ELP3: variants seen among roughly 807,000 people sequenced by gnomAD.
The protein encoded by ELP3 is elongator complex protein 3.
A neutral mutation model predicts 74.9 loss-of-function variants in ELP3; 56 were observed. The observed-to-expected ratio is 0.75, with a 90% CI of 0.60 to 0.93. The LOEUF is 0.93. ELP3 is among the 40% of genes least tolerant of loss of function. The probability of loss-of-function intolerance (pLI) is 0.00; values close to 1 mark genes in which losing one functional copy is unlikely to be tolerated. For missense variants in ELP3, 573 were observed against 686.5 expected (o/e 0.83, Z 1.85); for synonymous variants, 222 against 239.8 (o/e 0.93, Z 0.68).
chr8:28,137,290 G>A (rs1813025942), intron 9 of ELP3, among the ~76,000 whole-genome samples: 1 of 152,144 alleles, frequency 6.6e-6, no homozygotes, highest in African/African-American at 2.4e-5. Context: ...TTTTTTAAGT[G>A]GGACAGCTAG....
upstream of ELP3, among the ~76,000 whole-genome samples, chr8:28,090,645 C>G (rs906518887): frequency 1.1e-4 from 17 of 152,192 alleles, no homozygotes; most frequent in African/African-American, 3.9e-4. Context: ...TCTCCCCTCA[C>G]GCATATCCCA....
chr8:28,118,959 G>A (rs1563256776), intron 7 of ELP3: 2 of 152,124 alleles, frequency 1.3e-5, no homozygotes, highest in South Asian at 4.2e-4. Context: ...GAAGTGCTAG[G>A]TAATGCTAGG....
intron 10 of ELP3, among the ~76,000 whole-genome samples, chr8:28,148,723 T>G (rs1563273605): frequency 6.6e-6 from 1 of 152,240 alleles, no homozygotes; most frequent in Non-Finnish European, 1.5e-5. Context: ...ATTGTTTTGA[T>G]AAATTATGAT....
At chr8:28,112,965 T>C (rs1441314255) in intron 6 of ELP3, 54 bp from the exon 7 acceptor site, 6 of 1,518,674 alleles carry the variant, frequency 4.0e-6, no homozygotes, top group Non-Finnish European at 5.4e-6. Flanking sequence ...AATGCCTTCT[T>C]AGAGTAGTTC....
At chr8:28,100,677 A>G (rs1391415784) in intron 3 of ELP3, among the ~76,000 whole-genome samples, 1 of 152,260 alleles carries the variant, frequency 6.6e-6, no homozygotes, top group Non-Finnish European at 1.5e-5. Flanking sequence ...TGAAAAAGGT[A>G]GTAATATGAA....
At chr8:28,105,119 C>T (rs1458775321) in intron 3 of ELP3, among the ~76,000 whole-genome samples, 2 of 152,034 alleles carry the variant, frequency 1.3e-5, no homozygotes, top group East Asian at 1.9e-4. Context: ...TGGTGGCTCA[C>T]GCCTGTAATC....
At chr8:28,155,871 AT>A in intron 10 of ELP3, 70 bp from the exon 11 acceptor site, 9 of 1,251,972 alleles carry the variant, frequency 7.2e-6, no homozygotes, top group Non-Finnish European at 1.0e-5. Context: ...AACTTTTTTA[AT>A]ATCCTTGCCT....
chr8:28,157,484 A>G (rs976156891), intron 11 of ELP3, among the ~76,000 whole-genome samples: 2 of 152,216 alleles, frequency 1.3e-5, no homozygotes, highest in African/African-American at 4.8e-5. Context: ...CATGGACTCT[A>G]CATCAGCAAA....
chr8:28,158,854 C>T (rs1303932063), intron 12 of ELP3, among the ~76,000 whole-genome samples: 1 of 152,210 alleles, frequency 6.6e-6, no homozygotes, highest in Non-Finnish European at 1.5e-5. Flanking sequence ...TCTAGATTAG[C>T]ACTGTCCAGT....
intron 14 of ELP3, 79 bp downstream of exon 14, chr8:28,162,157 C>G (rs1814122504): frequency 7.1e-7 from 1 of 1,417,092 alleles, no homozygotes; most frequent in South Asian, 1.2e-5. Flanking sequence ...TTGGTACCCT[C>G]TTGCCCCTGT....
intron 14 of ELP3, among the ~76,000 whole-genome samples, chr8:28,188,840 G>A (rs931811313): frequency 3.3e-5 from 5 of 152,208 alleles, no homozygotes; most frequent in African/African-American, 1.2e-4. Context: ...GACAGCAGTT[G>A]TAGGCAACCT....
At chr8:28,174,660 A>G (rs1421212347) in intron 14 of ELP3, among the ~76,000 whole-genome samples, 1 of 152,168 alleles carries the variant, frequency 6.6e-6, no homozygotes, top group East Asian at 1.9e-4. Flanking sequence ...TAATATAGGA[A>G]GAAAAGAGGA....
intron 2 of ELP3, among the ~76,000 whole-genome samples, chr8:28,098,007 A>G (rs922436242): frequency 3.3e-5 from 5 of 152,028 alleles, no homozygotes; most frequent in Non-Finnish European, 4.4e-5. Context: ...TGCACATCCT[A>G]CTTTCCTTCC....
At chr8:28,160,772 G>A (rs888099466) in intron 13 of ELP3, among the ~76,000 whole-genome samples, 1 of 130,510 alleles carries the variant, frequency 7.7e-6, no homozygotes, top group African/African-American at 3.2e-5. Context: ...TTGGCTCACT[G>A]CAACCTCCGC....
rs187698337 is a variant in ELP3, at chr8:28,097,878, T to A, written c.119+560T>A. Among the ~76,000 whole-genome samples, 5 of 152,316 alleles carry A rather than the reference T, an allele frequency of 3.3e-5. No homozygotes were observed. The East Asian group carries it at 9.6e-4, about 29-fold the overall frequency. ...CCAGCCACACTTGACAGGTGGGTAA[T>A]CTGAGTCAGAGAGCAGTTAAATAAT... On this transcript the variant is annotated intron_variant, in intron 2 of 14. Transcript: ENST00000256398.
intron 14 of ELP3, among the ~76,000 whole-genome samples, chr8:28,167,429 G>C (rs186185721): frequency 6.0e-4 from 91 of 152,254 alleles, no homozygotes; most frequent in Non-Finnish European, 1.2e-3. Flanking sequence ...ACCTTCACCT[G>C]TCTCTCAGGC....
At chr8:28,189,147 C>A (rs1815355907) in intron 14 of ELP3, among the ~76,000 whole-genome samples, 1 of 152,272 alleles carries the variant, frequency 6.6e-6, no homozygotes, top group Non-Finnish European at 1.5e-5. Context: ...ACACTTCTGA[C>A]AGTAGCCACA....
upstream of ELP3, chr8:28,092,821 C>A (rs182833817): frequency 9.6e-3 from 773 of 80,250 alleles, 3 homozygotes; most frequent in African/African-American, 0.036. Flanking sequence ...CGACCCTGGG[C>A]TCCCACTCCC....
chr8:28,101,630 C>T (rs1445550455), intron 3 of ELP3, among the ~76,000 whole-genome samples: 3 of 149,098 alleles, frequency 2.0e-5, no homozygotes, highest in Non-Finnish European at 4.4e-5. Flanking sequence ...TGTTCTGTTG[C>T]CCAGGCAGGA....
Sources: allele counts gnomAD v4.1 joint callset (sites outside exome capture counted in the v4.1 genomes callset), GRCh38; gene constraint gnomAD v4.1.1; transcripts MANE v1.5; gene names NCBI Gene and HGNC (gene_info 2026-07-23, HGNC 2026-07-21).